The following NCKAP5 variants were observed in gnomAD, a reference collection of about 807,000 sequenced individuals.
NCKAP5 encodes NCK associated protein 5, also known as nck-associated protein 5.
Under a neutral mutation model 167.0 loss-of-function variants are expected in NCKAP5, and 92 were observed. The ratio of observed to expected loss-of-function variants is 0.55; its 90% CI spans 0.47 to 0.66. The LOEUF is 0.66. NCKAP5 is among the 30% of genes least tolerant of loss of function. The probability of loss-of-function intolerance (pLI) is 0.00; values close to 1 mark genes in which losing one functional copy is unlikely to be tolerated. For synonymous variants in NCKAP5, 891 were observed against 877.4 expected, an observed-to-expected ratio of 1.02 and a Z score of -0.27; for missense variants, 2,378 against 2,315.0, an observed-to-expected ratio of 1.03 and a Z score of -0.56.
chr2:133,035,299 A>G (rs1356346020), intron 6 of NCKAP5, among the ~76,000 whole-genome samples: 1 of 152,056 alleles, frequency 6.6e-6, no homozygotes, highest in Non-Finnish European at 1.5e-5. Flanking sequence ...GAATAGGCCC[A>G]ATACAATAAT....
At chr2:132,803,519 T>A (rs1342127493) in intron 11 of NCKAP5, among the ~76,000 whole-genome samples, 1 of 152,356 alleles carries the variant, frequency 6.6e-6, no homozygotes, top group Non-Finnish European at 1.5e-5. Flanking sequence ...ACAGCCTGAT[T>A]ATCCAGTGGC....
chr2:133,336,673 G>A (rs1325233387), intron 3 of NCKAP5, among the ~76,000 whole-genome samples: 1 of 152,088 alleles, frequency 6.6e-6, no homozygotes, highest in Non-Finnish European at 1.5e-5. Context: ...AAAACAAGAT[G>A]GTAGTCTCAA....
At chr2:133,328,315 G>A (rs974581017) in intron 3 of NCKAP5, among the ~76,000 whole-genome samples, 3 of 152,182 alleles carry the variant, frequency 2.0e-5, no homozygotes, top group African/African-American at 7.2e-5. Context: ...GTTGAGGCTT[G>A]GAGCAACAGA....
chr2:133,393,308 C>T (rs1367067578), intron 3 of NCKAP5, among the ~76,000 whole-genome samples: 1 of 152,210 alleles, frequency 6.6e-6, no homozygotes, highest in Non-Finnish European at 1.5e-5. Context: ...CCACTTCGTT[C>T]CAAGTTGTTT....
upstream of NCKAP5, among the ~76,000 whole-genome samples, chr2:133,571,378 A>G (rs1688861379): frequency 6.6e-6 from 1 of 151,974 alleles, no homozygotes; most frequent in Non-Finnish European, 1.5e-5. Flanking sequence ...TAGGGGAGGG[A>G]AAGGCCATCC....
intron 3 of NCKAP5, among the ~76,000 whole-genome samples, chr2:133,390,251 AG>A (rs1229885397): frequency 6.6e-6 from 1 of 152,194 alleles, no homozygotes; most frequent in Non-Finnish European, 1.5e-5. Flanking sequence ...AAGACAAGAA[AG>A]ACTCCTTCCA....
At chr2:133,320,156 G>C (rs921162471) in intron 3 of NCKAP5, among the ~76,000 whole-genome samples, 1 of 152,192 alleles carries the variant, frequency 6.6e-6, no homozygotes, top group African/African-American at 2.4e-5. Flanking sequence ...TCATTAGCCA[G>C]ATACTCTTTT....
intron 4 of NCKAP5, among the ~76,000 whole-genome samples, chr2:133,271,993 A>T (rs2217427): frequency 0.1 from 15,316 of 152,068 alleles, 1,022 homozygotes; most frequent in Middle Eastern, 0.19. Context: ...CTGGTCTTTT[A>T]ATTTTTCTAT....
intron 8 of NCKAP5, among the ~76,000 whole-genome samples, chr2:132,951,627 A>G (rs367963695): frequency 2.6e-5 from 4 of 152,294 alleles, no homozygotes; most frequent in African/African-American, 9.6e-5. Context: ...AAATCAGACT[A>G]CGTGGATATT....
intron 6 of NCKAP5, among the ~76,000 whole-genome samples, chr2:133,076,783 C>T (rs2149576846): frequency 6.6e-6 from 1 of 152,262 alleles, no homozygotes; most frequent in Admixed American, 6.5e-5. Context: ...GCTATATAGC[C>T]TTCAGGTCCA....
At chr2:132,711,299 A>C (rs1413408515) in intron 19 of NCKAP5, among the ~76,000 whole-genome samples, 1 of 152,152 alleles carries the variant, frequency 6.6e-6, no homozygotes, top group East Asian at 1.9e-4. Context: ...TGGTCACTGC[A>C]TCACACCAGA....
At chr2:133,157,236 A>T (rs1286613879) in intron 5 of NCKAP5, among the ~76,000 whole-genome samples, 1 of 152,168 alleles carries the variant, frequency 6.6e-6, no homozygotes, top group African/African-American at 2.4e-5. Flanking sequence ...GGGCCCATCA[A>T]ATGGTGGTCT....
intron 3 of NCKAP5, among the ~76,000 whole-genome samples, chr2:133,435,555 C>T (rs761942625): frequency 3.9e-5 from 6 of 152,042 alleles, no homozygotes; most frequent in African/African-American, 7.3e-5. Flanking sequence ...GCTCCCCTAC[C>T]GGACAGTGAT....
intron 9 of NCKAP5, among the ~76,000 whole-genome samples, chr2:132,874,103 A>ATTTTTTTT: frequency 8.8e-6 from 1 of 113,178 alleles, no homozygotes; most frequent in Non-Finnish European, 1.7e-5. Context: ...CAAGACCTTG[A>ATTTTTTTT]TTTTTTTTTT....
At chr2:133,628,450 C>T in the NCKAP5 span, among the ~76,000 whole-genome samples, 1 of 152,106 alleles carries the variant, frequency 6.6e-6, no homozygotes. Context: ...AGTGAAGGAC[C>T]TCTTCGAGGA....
At chr2:132,725,551 G>A (rs185722997) in intron 19 of NCKAP5, 76 bp downstream of exon 19, 110 of 1,480,442 alleles carry the variant, frequency 7.4e-5, no homozygotes, top group Admixed American at 2.3e-4. Context: ...GGTGGGGGCC[G>A]AGCACAGTGA....
intron 6 of NCKAP5, among the ~76,000 whole-genome samples, chr2:133,111,575 T>C (rs1270853433): frequency 6.6e-6 from 1 of 152,160 alleles, no homozygotes; most frequent in Non-Finnish European, 1.5e-5. Flanking sequence ...AGGTAGAACC[T>C]CACTCTACAA....
At chr2:132,871,715 A>T (rs1232603422) in intron 9 of NCKAP5, among the ~76,000 whole-genome samples, 6 of 152,174 alleles carry the variant, frequency 3.9e-5, no homozygotes, top group Admixed American at 1.3e-4. Flanking sequence ...TCCTCTTGAA[A>T]GCTGAACAAA....
intron 6 of NCKAP5, among the ~76,000 whole-genome samples, chr2:133,021,858 T>C (rs1360409041): frequency 3.3e-5 from 5 of 152,202 alleles, no homozygotes; most frequent in East Asian, 3.9e-4. Flanking sequence ...CTTGAACTCC[T>C]GAGCTCAGGA....
Sources: allele counts gnomAD v4.1 joint callset (sites outside exome capture counted in the v4.1 genomes callset), GRCh38; gene constraint gnomAD v4.1.1; transcripts MANE v1.5; gene names NCBI Gene and HGNC (gene_info 2026-07-23, HGNC 2026-07-21).